FAF1: variants seen among roughly 807,000 people sequenced by gnomAD.
FAF1 encodes FAS-associated factor 1.
In FAF1, 25 loss-of-function variants were observed where a neutral mutation model predicts 92.5. The ratio of observed to expected loss-of-function variants is 0.27; its 90% CI spans 0.20 to 0.38. The LOEUF is 0.38. Among genes scored for constraint, FAF1 ranks in the 10% least tolerant of loss-of-function variants. The probability of loss-of-function intolerance (pLI) is 1.00; values close to 1 mark genes in which losing one functional copy is unlikely to be tolerated. For synonymous variants in FAF1, 234 were observed against 273.2 expected (o/e 0.86, Z 1.42); for missense variants, 636 against 793.3 (o/e 0.80, Z 2.38).
intron 2 of FAF1, among the ~76,000 whole-genome samples, chr1:50,854,656 G>A (rs1369009112): frequency 6.6e-6 from 1 of 151,898 alleles, no homozygotes; most frequent in East Asian, 1.9e-4. Context: ...TTTGCAGACA[G>A]CAGCCCACAT....
chr1:50,472,868 A>G (rs1189299321), intron 18 of FAF1, among the ~76,000 whole-genome samples: 2 of 152,184 alleles, frequency 1.3e-5, no homozygotes, highest in Non-Finnish European at 2.9e-5. Context: ...TTGCAAAAAC[A>G]CTAGTCATTT....
chr1:50,466,625 A>C (rs1380410657), intron 18 of FAF1, among the ~76,000 whole-genome samples: 1 of 152,240 alleles, frequency 6.6e-6, no homozygotes, highest in Admixed American at 6.5e-5. Context: ...GTAAATCTGT[A>C]AATTATGGAA....
chr1:50,450,787 T>C (rs1646285161), intron 18 of FAF1, among the ~76,000 whole-genome samples: 2 of 152,216 alleles, frequency 1.3e-5, no homozygotes, highest in Admixed American at 6.5e-5. Context: ...ATAAAGTCCT[T>C]TGCAACATAA....
chr1:50,949,233 G>C (rs914741091), intron 1 of FAF1, among the ~76,000 whole-genome samples: 1 of 152,192 alleles, frequency 6.6e-6, no homozygotes, highest in African/African-American at 2.4e-5. Flanking sequence ...TCTGAGGTGG[G>C]GGTCCAGCAA....
chr1:50,796,317 A>G (rs1023679877), intron 3 of FAF1, among the ~76,000 whole-genome samples: 2 of 152,146 alleles, frequency 1.3e-5, no homozygotes, highest in African/African-American at 4.8e-5. Context: ...ATTTTGTTTT[A>G]GCATCAACCA....
At chr1:50,934,053 A>G (rs1408819892) in intron 1 of FAF1, among the ~76,000 whole-genome samples, 1 of 152,232 alleles carries the variant, frequency 6.6e-6, no homozygotes, top group African/African-American at 2.4e-5. Flanking sequence ...AAACCATATC[A>G]GCATATTTTT....
At chr1:50,779,973 C>T (rs188781646) in intron 4 of FAF1, among the ~76,000 whole-genome samples, 13 of 140,152 alleles carry the variant, frequency 9.3e-5, no homozygotes, top group South Asian at 2.3e-4. Context: ...ACTACAAGCA[C>T]ACATGCACAG....
Position 50,906,394 on chromosome 1 carries a change from T to A in FAF1, c.46-48397A>T, listed in dbSNP as rs12068540. 1.0e-2 allele frequency among the ~76,000 whole-genome samples: 1,516 copies of A among 152,222 alleles called. 23 individuals carry two copies. Among genetic ancestry groups the A allele is most frequent in the African/African-American group, 0.035 (1,437 of 41,556 alleles). ...TTTGGTTCCATATGAACTTTAAAGT[T>A]CTTTTTTCCAATTCTGTGAAGAAAG... On this transcript the variant is annotated intron_variant, in intron 1 of 18. Coordinates refer to ENST00000396153, the MANE Select transcript of FAF1 (RefSeq NM_007051.3).
intron 6 of FAF1, among the ~76,000 whole-genome samples, chr1:50,721,278 G>A (rs139391131): frequency 2.0e-4 from 31 of 151,826 alleles, no homozygotes; most frequent in Non-Finnish European, 4.4e-4. Context: ...TATCACCAGC[G>A]ATCTCTGCTC....
chr1:50,627,697 A>AG (rs1259644020), intron 8 of FAF1, among the ~76,000 whole-genome samples: 1 of 152,100 alleles, frequency 6.6e-6, no homozygotes, highest in African/African-American at 2.4e-5. Context: ...AGGGAATGTG[A>AG]GGGGGGGCTT....
At chr1:50,826,488 T>C (rs1288481155) in intron 2 of FAF1, among the ~76,000 whole-genome samples, 1 of 151,250 alleles carries the variant, frequency 6.6e-6, no homozygotes, top group Non-Finnish European at 1.5e-5. Context: ...AGGCAGAGAT[T>C]GCAGTGAGCT....
At chr1:50,724,239 A>C (rs1361594439) in intron 6 of FAF1, among the ~76,000 whole-genome samples, 2 of 46,524 alleles carry the variant, frequency 4.3e-5, no homozygotes, top group Non-Finnish European at 8.9e-5. Flanking sequence ...CTGTCTTTCA[A>C]AAAAAAAAAA....
At chr1:50,698,013 A>G (rs1418029090) in intron 7 of FAF1, among the ~76,000 whole-genome samples, 2 of 152,224 alleles carry the variant, frequency 1.3e-5, no homozygotes, top group African/African-American at 4.8e-5. Flanking sequence ...GTAACCAAAT[A>G]ACCTTTGGCA....
intron 5 of FAF1, among the ~76,000 whole-genome samples, chr1:50,742,426 C>G (rs559597474): frequency 9.2e-5 from 14 of 152,240 alleles, no homozygotes; most frequent in African/African-American, 3.4e-4. Context: ...CTCTGTCGCC[C>G]AGGATGGAGT....
intron 4 of FAF1, among the ~76,000 whole-genome samples, chr1:50,781,947 C>T (rs1661194465): frequency 6.6e-6 from 1 of 152,166 alleles, no homozygotes; most frequent in African/African-American, 2.4e-5. Context: ...AGCTGAATAA[C>T]TCCTATCATC....
chr1:50,896,374 T>C (rs1024749609), intron 1 of FAF1, among the ~76,000 whole-genome samples: 1 of 152,208 alleles, frequency 6.6e-6, no homozygotes, highest in African/African-American at 2.4e-5. Context: ...ATTACTACAG[T>C]GTATGCCTGT....
At chr1:50,760,002 TG>T (rs1288742742) in intron 4 of FAF1, among the ~76,000 whole-genome samples, 1 of 152,194 alleles carries the variant, frequency 6.6e-6, no homozygotes, top group Non-Finnish European at 1.5e-5. Context: ...TGGGGTTGTT[TG>T]TTTTTTTCTT....
intron 4 of FAF1, among the ~76,000 whole-genome samples, chr1:50,745,913 G>T (rs2124498172): frequency 6.6e-6 from 1 of 152,176 alleles, no homozygotes; most frequent in Non-Finnish European, 1.5e-5. Flanking sequence ...ACAAGAAGAT[G>T]AGGGAAAATT....
chr1:50,828,414 G>A (rs1006526739), intron 2 of FAF1, among the ~76,000 whole-genome samples: 5 of 151,920 alleles, frequency 3.3e-5, no homozygotes, highest in South Asian at 2.1e-4. Flanking sequence ...GACTACAGGC[G>A]CCCGCCACCA....
Sources: allele counts gnomAD v4.1 joint callset (sites outside exome capture counted in the v4.1 genomes callset), GRCh38; gene constraint gnomAD v4.1.1; transcripts MANE v1.5; gene names NCBI Gene and HGNC (gene_info 2026-07-23, HGNC 2026-07-21).